SLC36A2: variants seen among roughly 807,000 people sequenced by gnomAD.
SLC36A2 encodes solute carrier family 36 member 2.
A neutral mutation model predicts 42.7 loss-of-function variants in SLC36A2; 39 were observed. That is an observed-to-expected ratio of 0.91 (90% CI 0.71 to 1.19). The LOEUF (loss-of-function observed/expected upper bound fraction) is 1.19. Among genes scored for constraint, SLC36A2 ranks in the 50% most tolerant of loss-of-function variants. The probability of loss-of-function intolerance (pLI) is 0.00; values close to 1 mark genes in which losing one functional copy is unlikely to be tolerated. For missense variants in SLC36A2, 590 were observed against 613.7 expected (o/e 0.96, Z 0.41); for synonymous variants, 237 against 240.8 (o/e 0.98, Z 0.15).
rs377109790 is a variant in SLC36A2, at chr5:151,344,295, A to G, written c.165-28T>C. ...AAAGGAGAGGAAGGAGATGTGAAGT[A>G]TGGGTGTGTGGAGGTGAGAAGATCC... On this transcript the variant is annotated intron_variant, in intron 1 of 9. Coordinates refer to ENST00000335244, the MANE Select transcript of SLC36A2 (RefSeq NM_181776.3). 159 of 1,583,746 alleles carry G rather than the reference A, an allele frequency of 1.0e-4. No individual in the cohort carries two copies. In the African/African-American group the frequency reaches 2.0e-3, roughly 20 times the overall value.
At chr5:151,334,415 C>T (rs888058801) in intron 6 of SLC36A2, among the ~76,000 whole-genome samples, 3 of 149,858 alleles carry the variant, frequency 2.0e-5, no homozygotes, top group Admixed American at 6.7e-5. Flanking sequence ...TTAGGCTGGG[C>T]GTGGTGGCTC....
chr5:151,331,159 C>G (rs1209624636), intron 7 of SLC36A2, among the ~76,000 whole-genome samples: 1 of 152,080 alleles, frequency 6.6e-6, no homozygotes, highest in African/African-American at 2.4e-5. Flanking sequence ...GAAGTTTGAC[C>G]CTTACCTCAT....
chr5:151,339,761 C>G (rs754432406), intron 4 of SLC36A2, among the ~76,000 whole-genome samples: 6 of 152,248 alleles, frequency 3.9e-5, no homozygotes, highest in Non-Finnish European at 8.8e-5. Flanking sequence ...ACAGCAGGCA[C>G]AATGTTTTTA....
intron 1 of SLC36A2, among the ~76,000 whole-genome samples, chr5:151,344,478 T>C (rs1052352064): frequency 6.6e-6 from 1 of 152,226 alleles, no homozygotes; most frequent in Non-Finnish European, 1.5e-5. Context: ...TAACACTCAA[T>C]ATATGCTGCA....
At chr5:151,321,979 A>G in intron 9 of SLC36A2, 67 bp downstream of exon 9, 2 of 1,601,238 alleles carry the variant, frequency 1.2e-6, no homozygotes, top group Non-Finnish European at 1.7e-6. Context: ...CATCCGGCCC[A>G]TCTGGCTGAT....
intron 7 of SLC36A2, among the ~76,000 whole-genome samples, chr5:151,329,149 G>C (rs895385261): frequency 5.3e-5 from 8 of 152,334 alleles, no homozygotes; most frequent in Admixed American, 2.0e-4. Flanking sequence ...AAGCATCAAA[G>C]CAAAGGCTTT....
At chr5:151,329,522 G>A (rs191563291) in intron 7 of SLC36A2, among the ~76,000 whole-genome samples, 2 of 152,270 alleles carry the variant, frequency 1.3e-5, no homozygotes, top group East Asian at 3.9e-4. Context: ...TTTAAAGCAG[G>A]TAATATAACC....
intron 1 of SLC36A2, among the ~76,000 whole-genome samples, 174 bp from the exon 2 acceptor site, chr5:151,344,441 G>A (rs908883178): frequency 6.6e-6 from 1 of 152,172 alleles, no homozygotes; most frequent in African/African-American, 2.4e-5. Flanking sequence ...ATCCCAGTTT[G>A]CCCAGAACTG....
chr5:151,318,603 AAATATAAAT>A (rs1470773533), intron 9 of SLC36A2, among the ~76,000 whole-genome samples: 2 of 146,502 alleles, frequency 1.4e-5, no homozygotes, highest in African/African-American at 4.9e-5. Flanking sequence ...AAAATATAAT[AAATATAAAT>A]AATATAAATA....
At chr5:151,322,486 G>A (rs1038190551) in intron 8 of SLC36A2, among the ~76,000 whole-genome samples, 20 of 152,282 alleles carry the variant, frequency 1.3e-4, no homozygotes, top group African/African-American at 3.6e-4. Context: ...TTGCACCTTC[G>A]CAAATCGCTA....
chr5:151,334,288 G>A (rs1218417334), intron 6 of SLC36A2, among the ~76,000 whole-genome samples: 1 of 152,192 alleles, frequency 6.6e-6, no homozygotes, highest in African/African-American at 2.4e-5. Context: ...CACGGACAAT[G>A]TAACTTTTTT....
chr5:151,321,867 A>T, intron 9 of SLC36A2, 179 bp downstream of exon 9: 1 of 662,084 alleles, frequency 1.5e-6, no homozygotes, highest in Non-Finnish European at 2.7e-6. Context: ...TAGTAGAGAC[A>T]GGGTTTCACC....
intron 5 of SLC36A2, among the ~76,000 whole-genome samples, chr5:151,336,272 C>T (rs1756152659): frequency 1.3e-5 from 2 of 152,218 alleles, no homozygotes. Context: ...AAACCTAAAG[C>T]ATAGGGACCT....
At chr5:151,338,375 T>A (rs1343171342) in intron 5 of SLC36A2, among the ~76,000 whole-genome samples, 2 of 151,742 alleles carry the variant, frequency 1.3e-5, no homozygotes, top group Non-Finnish European at 2.9e-5. Context: ...TATTAAGCCA[T>A]AGATTAAGTA....
chr5:151,321,222 T>G (rs1024161736), intron 9 of SLC36A2, among the ~76,000 whole-genome samples: 9 of 152,000 alleles, frequency 5.9e-5, no homozygotes, highest in Non-Finnish European at 1.2e-4. Flanking sequence ...TGGAGTGCAA[T>G]GGTTCAATCT....
At chr5:151,345,563 G>A (rs947824329) in intron 1 of SLC36A2, among the ~76,000 whole-genome samples, 1 of 152,296 alleles carries the variant, frequency 6.6e-6, no homozygotes, top group South Asian at 2.1e-4. Context: ...GAGAAAGGGG[G>A]TGGAGAGTCC....
At position 151,317,068 on chromosome 5, in the gene SLC36A2, G is replaced by T; in HGVS notation, c.1201C>A (p.Pro401Thr). The T allele has an allele frequency of 1.2e-6, 2 of 1,614,060 alleles. No homozygotes were observed. Among genetic ancestry groups the T allele is most frequent in the Non-Finnish European group, 1.7e-6 (2 of 1,180,002 alleles). ...AGGGAGATGACCAGGTCCAGGCGGG[G>T]GATGAGGATGGCCAGGAGGCCTGCA... ...CLTCLLAILI[P>T]RLDLVISLVG... is the part of the protein sequence containing the mutation. Residue 401 changes from proline (P) to threonine (T), a missense_variant, in exon 10 of 10, where the codon CCC becomes ACC. Transcript: ENST00000335244.
chr5:151,342,263 G>A (rs1466235470), intron 4 of SLC36A2, among the ~76,000 whole-genome samples: 1 of 152,150 alleles, frequency 6.6e-6, no homozygotes, highest in East Asian at 1.9e-4. Context: ...ACCTGGTCTT[G>A]TTGTACCTTG....
At position 151,317,031 on chromosome 5, in the gene SLC36A2, A is replaced by T; in HGVS notation, c.1238T>A (p.Val413Glu). 1 of 1,614,132 alleles carries T rather than the reference A, an allele frequency of 6.2e-7. No individual in the cohort carries two copies. Reference protein sequence around the residue: ...LDLVISLVGSVSGTALALIIP... With the variant: ...LDLVISLVGSESGTALALIIP... ...GATGAGGGCCAGGGCGGTGCCACTC[A>T]CGGAGCCCACCAGGGAGATGACCAG... is the stretch of plus-strand genomic sequence containing the variant. Residue 413 changes from valine (V) to glutamate (E), a missense_variant, in exon 10 of 10, where the codon GTG becomes GAG. Transcript: ENST00000335244.
Sources: gnomAD v4.1 joint callset for allele counts (sites outside exome capture counted in the v4.1 genomes callset) on GRCh38, gnomAD v4.1.1 for gene constraint, MANE v1.5 for transcripts, NCBI Gene and HGNC (gene_info 2026-07-23, HGNC 2026-07-21) for gene names.